PARK7: variants seen among roughly 807,000 people sequenced by gnomAD.
PARK7 encodes the protein Parkinson disease protein 7.
In PARK7, 14 loss-of-function variants were observed where a neutral mutation model predicts 20.5. That is an observed-to-expected ratio of 0.68 (90% confidence interval 0.45 to 1.07). The LOEUF (loss-of-function observed/expected upper bound fraction) is 1.07, where lower values mean the gene tolerates loss of function less well. Ranked by LOEUF, PARK7 falls within the 50% of genes least tolerant of loss-of-function variation. The pLI, the probability that PARK7 is intolerant of heterozygous loss-of-function variation, is 0.00. For synonymous variants in PARK7, 98 were observed against 84.3 expected (o/e 1.16, Z -0.89); for missense variants, 234 against 238.1 (o/e 0.98, Z 0.11).
intron 1 of PARK7, 163 bp downstream of exon 1, chr1:7,961,956 C>T (rs760230488): frequency 1.3e-5 from 2 of 152,322 alleles, no homozygotes; most frequent in Non-Finnish European, 2.9e-5. Context: ...CGGGCCCTGT[C>T]GCTGGCGTTG....
intron 2 of PARK7, 43 bp downstream of exon 2, chr1:7,962,918 T>G: frequency 6.7e-7 from 1 of 1,481,800 alleles, no homozygotes; most frequent in Non-Finnish European, 9.4e-7. Flanking sequence ...TTTTAAATGT[T>G]TTTGGATTTT....
intron 5 of PARK7, among the ~76,000 whole-genome samples, chr1:7,976,237 G>A (rs924046592): frequency 6.6e-6 from 1 of 152,158 alleles, no homozygotes; most frequent in African/African-American, 2.4e-5. Flanking sequence ...CACCTTAAGT[G>A]TTTCCAAGAT....
At position 7,976,327 on chromosome 1, in the gene PARK7, A is replaced by G. The variant is rs185459001; in HGVS notation, c.323-1325A>G. Among the ~76,000 whole-genome samples, 37 of 152,346 alleles carry G rather than the reference A, an allele frequency of 2.4e-4. 1 individual carries two copies. In the East Asian group the frequency reaches 6.9e-3, roughly 29 times the overall value. On this transcript the variant is annotated intron_variant, in intron 5 of 6. Coordinates refer to ENST00000338639, the MANE Select transcript of PARK7 (RefSeq NM_007262.5). ...AATGTTTATATGTGTGGCTTAGAGG[A>G]AAAAGGTAGAATGAATACTTTGTAA...
intron 6 of PARK7, among the ~76,000 whole-genome samples, chr1:7,983,439 T>G (rs760891174): frequency 2.0e-5 from 3 of 152,260 alleles, no homozygotes; most frequent in Non-Finnish European, 4.4e-5. Flanking sequence ...CCTCCTCACC[T>G]AGGCCTTCAT....
intron 5 of PARK7, among the ~76,000 whole-genome samples, chr1:7,976,298 A>G (rs1278237740): frequency 6.6e-6 from 1 of 152,220 alleles, no homozygotes; most frequent in Non-Finnish European, 1.5e-5. Flanking sequence ...GAGGCCTTAG[A>G]AAGAATGTTT....
intron 4 of PARK7, among the ~76,000 whole-genome samples, 169 bp downstream of exon 4, chr1:7,969,573 A>G (rs1226888159): frequency 6.7e-6 from 1 of 150,262 alleles, no homozygotes; most frequent in African/African-American, 2.5e-5. Flanking sequence ...GTGTTATAGC[A>G]TTAACTCAAA....
At chr1:7,977,765 T>G (rs1192195911) in intron 6 of PARK7, 27 bp downstream of exon 6, 2 of 1,603,426 alleles carry the variant, frequency 1.2e-6, no homozygotes, top group Non-Finnish European at 1.7e-6. Flanking sequence ...TTTTGTTTGT[T>G]TGTTTGTTTT....
intron 6 of PARK7, 130 bp downstream of exon 6, chr1:7,977,868 TTC>T: frequency 1.3e-6 from 1 of 757,862 alleles, no homozygotes; most frequent in Non-Finnish European, 2.3e-6. Context: ...CAAGCGATTC[TTC>T]TCTCTCAGCC....
intron 3 of PARK7, among the ~76,000 whole-genome samples, chr1:7,965,674 G>A (rs1006779056): frequency 2.6e-5 from 4 of 152,216 alleles, no homozygotes; most frequent in Admixed American, 6.5e-5. Context: ...TGTGTGGCCA[G>A]ATGGGTGGGT....
In PARK7 at chr1:7,978,052, C is replaced by T. The variant is rs573497479; in HGVS notation, c.409+314C>T. Among the ~76,000 whole-genome samples, 6 of 119,400 alleles carry T rather than the reference C, an allele frequency of 5.0e-5. No individual in the cohort carries two copies. In the South Asian group the frequency reaches 1.6e-3, roughly 32 times the overall value. 78.3% of individuals were successfully genotyped at this position (119,400 alleles called of 152,430 possible). ...CGCTCTGTTGCCCAGGCTGGAGTGC[C>T]ATGGTGCGTTCTCTGCTCACTGCAA... On this transcript the variant is annotated intron_variant, in intron 6 of 6. Transcript: ENST00000338639.
At chr1:7,962,612 C>T (rs1174614910) in intron 1 of PARK7, among the ~76,000 whole-genome samples, 151 bp from the exon 2 acceptor site, 1 of 152,106 alleles carries the variant, frequency 6.6e-6, no homozygotes, top group Non-Finnish European at 1.5e-5. Flanking sequence ...GATAACTAAA[C>T]TGCTGCTTTT....
intron 1 of PARK7, among the ~76,000 whole-genome samples, chr1:7,962,384 C>T (rs1640225388): frequency 6.6e-6 from 1 of 150,444 alleles, no homozygotes; most frequent in Non-Finnish European, 1.5e-5. Flanking sequence ...TTAGTCGTTT[C>T]TCTGAAACAG....
At position 7,966,016 on chromosome 1, in the gene PARK7, T is replaced by G. The variant is rs181446399; in HGVS notation, c.192+591T>G. The stretch of plus-strand genomic sequence containing the variant: ...CTTTCAGAGTTCCACTGTAGTTGTG[T>G]TGTTTTTTCAGTATCGTTGGAATTA... On this transcript the variant is annotated intron_variant, in intron 3 of 6. Transcript: ENST00000338639. 4.7e-3 allele frequency among the ~76,000 whole-genome samples: 721 copies of G among 152,286 alleles called. 9 individuals are homozygous for G. Among genetic ancestry groups the G allele is most frequent in the Non-Finnish European group, 4.3e-3 (293 of 68,030 alleles).
chr1:7,962,339 A>G (rs542937744), intron 1 of PARK7, among the ~76,000 whole-genome samples: 1 of 152,340 alleles, frequency 6.6e-6, no homozygotes, highest in South Asian at 2.1e-4. Flanking sequence ...TAATTGCGAA[A>G]GACCACATTT....
intron 5 of PARK7, among the ~76,000 whole-genome samples, chr1:7,976,509 A>G (rs530276701): frequency 6.6e-6 from 1 of 152,294 alleles, no homozygotes; most frequent in African/African-American, 2.4e-5. Context: ...AGGACCTGCC[A>G]ATTTGGAAAG....
intron 2 of PARK7, 90 bp from the exon 3 acceptor site, chr1:7,965,234 C>T: frequency 8.3e-7 from 1 of 1,200,626 alleles, no homozygotes; most frequent in Admixed American, 1.8e-5. Flanking sequence ...AGGGTGAGAC[C>T]CCATCTCTCT....
At chr1:7,965,459 A>G (rs781273897) in intron 3 of PARK7, 34 bp downstream of exon 3, 2 of 1,560,658 alleles carry the variant, frequency 1.3e-6, no homozygotes, top group Non-Finnish European at 1.8e-6. Context: ...ATTCCTTCAT[A>G]TGGCTTCTTT....
intron 3 of PARK7, chr1:7,969,069 T>G (rs1199957596): frequency 2.6e-6 from 1 of 385,568 alleles, no homozygotes; most frequent in Non-Finnish European, 4.8e-6. Context: ...AATACATATA[T>G]CCTTGTCTTT....
chr1:7,973,888 A>AC (rs756767546), intron 5 of PARK7, among the ~76,000 whole-genome samples: 5 of 149,792 alleles, frequency 3.3e-5, no homozygotes, highest in Non-Finnish European at 5.9e-5. Flanking sequence ...AGCCTGAGCG[A>AC]CAGAGCAAGA....
Sources: allele counts gnomAD v4.1 joint callset (sites outside exome capture counted in the v4.1 genomes callset), GRCh38; gene constraint gnomAD v4.1.1; transcripts MANE v1.5; gene names NCBI Gene and HGNC (gene_info 2026-07-23, HGNC 2026-07-21).